ARFGEF3: variants seen among roughly 807,000 people sequenced by gnomAD.
ARFGEF3 encodes brefeldin A-inhibited guanine nucleotide-exchange protein 3.
Under a neutral mutation model 221.7 loss-of-function variants are expected in ARFGEF3, and 96 were observed. That is an observed-to-expected ratio of 0.43 (90% CI 0.37 to 0.51). ARFGEF3 has a LOEUF of 0.51. Ranked by LOEUF, ARFGEF3 falls within the 20% of genes least tolerant of loss-of-function variation. ARFGEF3 has a pLI of 0.00. For missense variants in ARFGEF3, 2,410 were observed against 2,789.9 expected (o/e 0.86, Z 3.07); for synonymous variants, 1,145 against 1,126.8 (o/e 1.02, Z -0.32).
chr6:138,180,720 G>A (rs1192073551), intron 2 of ARFGEF3, among the ~76,000 whole-genome samples: 1 of 152,206 alleles, frequency 6.6e-6, no homozygotes, highest in African/African-American at 2.4e-5. Context: ...GACATTGTCA[G>A]CCTTTCTGGG....
At chr6:138,192,642 A>C (rs1440574021) in intron 2 of ARFGEF3, among the ~76,000 whole-genome samples, 5 of 152,238 alleles carry the variant, frequency 3.3e-5, no homozygotes, top group Non-Finnish European at 7.3e-5. Flanking sequence ...ATTGGTCTGC[A>C]GGCTGAGGTG....
chr6:138,260,295 A>C (rs1348523252), intron 10 of ARFGEF3, among the ~76,000 whole-genome samples: 1 of 152,222 alleles, frequency 6.6e-6, no homozygotes, highest in African/African-American at 2.4e-5. Flanking sequence ...AGCTACTTAA[A>C]ATACAACTTC....
At chr6:138,295,627 C>CAAA (rs34138067) in intron 20 of ARFGEF3, among the ~76,000 whole-genome samples, 1 of 126,084 alleles carries the variant, frequency 7.9e-6, no homozygotes, top group African/African-American at 3.0e-5. Flanking sequence ...GAGACTCCCT[C>CAAA]AAAAAAAAAA....
At chr6:138,245,784 A>G (rs191648705) in intron 8 of ARFGEF3, among the ~76,000 whole-genome samples, 193 bp downstream of exon 8, 73 of 152,294 alleles carry the variant, frequency 4.8e-4, no homozygotes, top group Non-Finnish European at 9.0e-4. Context: ...ACCAAATACC[A>G]TTACTAGAGT....
At chr6:138,274,402 G>T (rs192376910) in intron 12 of ARFGEF3, among the ~76,000 whole-genome samples, 71 of 152,284 alleles carry the variant, frequency 4.7e-4, no homozygotes, top group African/African-American at 1.7e-3. Flanking sequence ...CCTTGAGAGT[G>T]CCAGGGGTTC....
At chr6:138,289,793 T>A (rs893255499) in intron 17 of ARFGEF3, 25 bp from the exon 18 acceptor site, 1 of 1,606,886 alleles carries the variant, frequency 6.2e-7, no homozygotes, top group Admixed American at 1.7e-5. Context: ...AACCTGTTAT[T>A]TTAATAAATG....
At position 138,262,813 on chromosome 6, in the gene ARFGEF3, A is replaced by G. The variant is rs760909024; in HGVS notation, c.1330A>G (p.Lys444Glu). 6.2e-7 allele frequency: 1 copy of G among 1,613,984 alleles called. No individual in the cohort carries two copies. Among genetic ancestry groups the G allele is most frequent in the Non-Finnish European group, 8.5e-7 (1 of 1,179,888 alleles). The change falls in exon 12 of 34, where the codon AAG (lysine) becomes GAG (glutamate). Residue 444 changes from lysine (K) to glutamate (E), a missense_variant. By Grantham distance (56) the Lys-to-Glu change is moderately conservative (BLOSUM62 1). This residue lies in a region of ARFGEF3 where 570 missense variants were observed against 586.9 expected (regional missense o/e 0.97). Coordinates refer to ENST00000251691, the MANE Select transcript of ARFGEF3 (RefSeq NM_020340.5). ...TGCCCTGGATGAGCTCAGCCAGGGG[A>G]AGGGCTTGAGCGAAGGTCAGGTGCA... ...LGALDELSQG[K>E]GLSEGQVQLL... is the part of the protein sequence containing the mutation.
intron 4 of ARFGEF3, chr6:138,217,427 AAC>A (rs1777891073): frequency 6.6e-6 from 1 of 152,344 alleles, no homozygotes; most frequent in African/African-American, 2.4e-5. Flanking sequence ...ACCAAAGAAA[AAC>A]ACAATCTGTG....
chr6:138,188,474 T>TA (rs71708697), intron 2 of ARFGEF3, among the ~76,000 whole-genome samples: 2,402 of 150,070 alleles, frequency 0.016, 34 homozygotes, highest in Middle Eastern at 0.058. Context: ...TTCAGTGTGT[T>TA]AAAAAAAAAA....
intron 22 of ARFGEF3, among the ~76,000 whole-genome samples, chr6:138,300,768 T>C (rs115834158): frequency 6.5e-4 from 99 of 152,312 alleles, no homozygotes; most frequent in African/African-American, 2.2e-3. Context: ...AGTCAGGATC[T>C]TGAGGCAAAA....
chr6:138,334,912 T>G lies in ARFGEF3; in HGVS notation c.6066T>G (p.Ile2022Met). 1 of 1,591,092 alleles carries G rather than the reference T, an allele frequency of 6.3e-7. No individual in the cohort carries two copies. ...KIYTMAADKT[I>M]SKLMTEYKKR... ...ACACCATGGCAGCCGACAAGACCAT[T>G]TCAAAGTTGATGACCGAATACAAAA... Residue 2022 changes from isoleucine to methionine, a missense_variant, in exon 33 of 34, where the codon ATT (isoleucine) becomes ATG (methionine). Physicochemically the swap from Ile to Met is conservative, Grantham distance 10 (BLOSUM62 1). This residue lies in a region of ARFGEF3 where 339 missense variants were observed against 334.9 expected (regional missense o/e 1.01). Coordinates refer to ENST00000251691, the MANE Select transcript of ARFGEF3 (RefSeq NM_020340.5). This position sits in a 1 kb window ranked among gnomAD's most constrained non-coding sequence, Gnocchi z 5.1.
chr6:138,180,201 A>C (rs1442206430), intron 2 of ARFGEF3, among the ~76,000 whole-genome samples: 5 of 152,146 alleles, frequency 3.3e-5, no homozygotes, highest in Admixed American at 6.5e-5. Context: ...GACAGCAAAT[A>C]CCCCAATAGC....
chr6:138,257,600 C>A (rs1399472912), intron 10 of ARFGEF3, among the ~76,000 whole-genome samples: 1 of 152,156 alleles, frequency 6.6e-6, no homozygotes, highest in African/African-American at 2.4e-5. Flanking sequence ...AAACCCTGGT[C>A]CAGCTGACCC....
chr6:138,170,488 C>T (rs981379375), intron 1 of ARFGEF3, among the ~76,000 whole-genome samples, 174 bp from the exon 2 acceptor site: 4 of 152,116 alleles, frequency 2.6e-5, no homozygotes, highest in Non-Finnish European at 5.9e-5. Context: ...ATCTCTGGGG[C>T]TCTCAAGGGA....
At chr6:138,282,339 T>C (rs1056810299) in intron 14 of ARFGEF3, among the ~76,000 whole-genome samples, 5 of 151,846 alleles carry the variant, frequency 3.3e-5, no homozygotes, top group African/African-American at 4.8e-5. Flanking sequence ...CTCTCTGGAG[T>C]GTCTGTATCC....
chr6:138,227,409 C>T (rs1778105868), intron 4 of ARFGEF3, among the ~76,000 whole-genome samples: 1 of 152,216 alleles, frequency 6.6e-6, no homozygotes, highest in Non-Finnish European at 1.5e-5. Flanking sequence ...TCTTCCTAAA[C>T]CTACCTTTGT....
Position 138,185,110 on chromosome 6 carries a change from C to T in ARFGEF3, c.137+14397C>T, listed in dbSNP as rs543266068. Among the ~76,000 whole-genome samples, 26 of 152,310 alleles carry T rather than the reference C, an allele frequency of 1.7e-4. 1 individual carries two copies. The highest frequency in any genetic ancestry group is 4.8e-4 in the African/African-American group (20 of 41,576). ...CCTGTGCTTCCAAGGAGGCTGGCCA[C>T]GGGCTTGCCCTGCATCAGAATATGA... On this transcript the variant is annotated intron_variant, in intron 2 of 33. Transcript: ENST00000251691.
intron 2 of ARFGEF3, among the ~76,000 whole-genome samples, chr6:138,194,656 A>G (rs927082385): frequency 6.6e-5 from 10 of 152,250 alleles, no homozygotes; most frequent in Non-Finnish European, 1.3e-4. Flanking sequence ...GTATTTGGCT[A>G]AGGTAACTGT....
intron 1 of ARFGEF3, among the ~76,000 whole-genome samples, chr6:138,163,519 A>G (rs751508717): frequency 2.4e-4 from 36 of 152,358 alleles, no homozygotes; most frequent in African/African-American, 3.8e-4. Context: ...GCAGGGCCCA[A>G]TTGTGCTTTA....
Sources: allele counts gnomAD v4.1 joint callset (sites outside exome capture counted in the v4.1 genomes callset), GRCh38; gene constraint gnomAD v4.1.1; regional missense constraint gnomAD v4.1.1; non-coding constraint Gnocchi (gnomAD v3.1); transcripts MANE v1.5; gene names NCBI Gene and HGNC (gene_info 2026-07-23, HGNC 2026-07-21).